Variants in MCF2L2 observed in about 807,000 individuals in gnomAD.
MCF2L2 encodes the protein MCF.2 cell line derived transforming sequence-like 2, also known as probable guanine nucleotide exchange factor MCF2L2.
In MCF2L2, 102 loss-of-function variants were observed where a neutral mutation model predicts 150.2. The ratio of observed to expected loss-of-function variants is 0.68; its 90% CI spans 0.58 to 0.80. The LOEUF (loss-of-function observed/expected upper bound fraction) is 0.80. MCF2L2 is among the 30% of genes least tolerant of loss of function. The pLI is 0.00. For synonymous variants in MCF2L2, 465 were observed against 491.3 expected (o/e 0.95, Z 0.71); for missense variants, 1,256 against 1,372.8 (o/e 0.91, Z 1.34).
intron 17 of MCF2L2, among the ~76,000 whole-genome samples, chr3:183,228,943 A>C (rs1723451076): frequency 6.6e-6 from 1 of 152,164 alleles, no homozygotes; most frequent in Admixed American, 6.6e-5. Flanking sequence ...CTGGGGCTCA[A>C]AGAGGCTACA....
chr3:183,272,161 C>G (rs1726832631), intron 15 of MCF2L2: 4 of 1,000,118 alleles, frequency 4.0e-6, no homozygotes, highest in Middle Eastern at 5.2e-4. Flanking sequence ...GCTGCATGTT[C>G]CTTGTAATCA....
chr3:183,412,708 TTTTTTA>T (rs1715378992), intron 1 of MCF2L2, among the ~76,000 whole-genome samples: 1 of 152,208 alleles, frequency 6.6e-6, no homozygotes, highest in Admixed American at 6.5e-5. Context: ...GCCTTTTATT[TTTTTTA>T]TTTTTATTTT....
chr3:183,408,607 G>A (rs1458121345), intron 1 of MCF2L2, among the ~76,000 whole-genome samples: 1 of 152,198 alleles, frequency 6.6e-6, no homozygotes, highest in Non-Finnish European at 1.5e-5. Flanking sequence ...GGGGATTAAA[G>A]AGGAGAAACA....
intron 3 of MCF2L2, among the ~76,000 whole-genome samples, chr3:183,365,131 C>T (rs1489066576): frequency 6.6e-6 from 1 of 152,042 alleles, no homozygotes; most frequent in Non-Finnish European, 1.5e-5. Context: ...AAAAACTTAA[C>T]AATAAAAGTA....
chr3:183,251,182 T>C (rs578098605), intron 15 of MCF2L2, among the ~76,000 whole-genome samples: 1 of 152,334 alleles, frequency 6.6e-6, no homozygotes, highest in South Asian at 2.1e-4. Flanking sequence ...AGGTTCCCTA[T>C]AGGGCCTGTG....
intron 3 of MCF2L2, among the ~76,000 whole-genome samples, chr3:183,360,072 G>C (rs1712034910): frequency 6.6e-6 from 1 of 152,218 alleles, no homozygotes; most frequent in Admixed American, 6.5e-5. Flanking sequence ...TGATGGTAAA[G>C]ACGATGCTGT....
At chr3:183,284,362 G>A (rs1229570513) in intron 14 of MCF2L2, among the ~76,000 whole-genome samples, 4 of 152,276 alleles carry the variant, frequency 2.6e-5, no homozygotes, top group Admixed American at 2.0e-4. Flanking sequence ...GTTACAAAGA[G>A]TGAGATCTTT....
At position 183,351,745 on chromosome 3, in the gene MCF2L2, T is replaced by A. The variant is rs112874690; in HGVS notation, c.276-10115A>T. On this transcript the variant is annotated intron_variant, in intron 3 of 29. Coordinates refer to ENST00000328913, the MANE Select transcript of MCF2L2 (RefSeq NM_015078.4). ...CTTGAATGGCAGTGCCCAGAGTTGTTCCTGGTATAGGAGATAAGATGATTA... is the reference window on the plus strand; with the variant it reads ...CTTGAATGGCAGTGCCCAGAGTTGTACCTGGTATAGGAGATAAGATGATTA... 2.2e-4 allele frequency among the ~76,000 whole-genome samples: 34 copies of A among 152,200 alleles called. 1 individual carries two copies. Among genetic ancestry groups the A allele is most frequent in the East Asian group, 1.9e-4 (1 of 5,194 alleles).
chr3:183,408,640 C>G (rs538040866), intron 1 of MCF2L2, among the ~76,000 whole-genome samples: 1 of 152,202 alleles, frequency 6.6e-6, no homozygotes, highest in African/African-American at 2.4e-5. Flanking sequence ...TCTTTCCCCA[C>G]AGCAATTTAA....
chr3:183,395,934 AAAAAGAAAGAAAGAAAG>A (rs1400608464), intron 1 of MCF2L2, among the ~76,000 whole-genome samples: 5 of 115,946 alleles, frequency 4.3e-5, no homozygotes, highest in East Asian at 2.3e-4. Flanking sequence ...AAAAAAAAAA[AAAAAGAAAGAAAGAAAG>A]AAAGAAAGAA....
At chr3:183,255,807 TAA>T (rs543086878) in intron 15 of MCF2L2, among the ~76,000 whole-genome samples, 37 of 134,288 alleles carry the variant, frequency 2.8e-4, no homozygotes, top group Admixed American at 4.5e-4. Context: ...GGTGAGATTG[TAA>T]AAAAAAAAAA....
intron 15 of MCF2L2, among the ~76,000 whole-genome samples, chr3:183,232,159 G>T (rs1026950216): frequency 1.3e-5 from 2 of 152,174 alleles, no homozygotes; most frequent in Non-Finnish European, 2.9e-5. Flanking sequence ...GAGATGGAGG[G>T]GGCCAGATGG....
At chr3:183,359,238 G>A (rs1370401167) in intron 3 of MCF2L2, among the ~76,000 whole-genome samples, 2 of 152,202 alleles carry the variant, frequency 1.3e-5, no homozygotes, top group African/African-American at 4.8e-5. Context: ...GTGCTGGGAT[G>A]TGCTAACACA....
At chr3:183,271,152 G>A in intron 15 of MCF2L2, 1 of 419,446 alleles carries the variant, frequency 2.4e-6, no homozygotes, top group Non-Finnish European at 4.2e-6. Flanking sequence ...ATTTAGAAAA[G>A]GTTTATATTA....
intron 15 of MCF2L2, among the ~76,000 whole-genome samples, chr3:183,256,500 G>A (rs1356036224): frequency 2.6e-5 from 4 of 152,108 alleles, no homozygotes; most frequent in Non-Finnish European, 5.9e-5. Flanking sequence ...TCAGTTGCTG[G>A]CTTTGATATG....
chr3:183,304,632 A>AT (rs202057975), intron 10 of MCF2L2, among the ~76,000 whole-genome samples: 12,060 of 144,306 alleles, frequency 0.084, 1,108 homozygotes, highest in African/African-American at 0.23. Context: ...TGCCTGGCTA[A>AT]TTTTTTTTTT....
intron 2 of MCF2L2, among the ~76,000 whole-genome samples, chr3:183,381,499 T>G (rs1053412211): frequency 6.6e-6 from 1 of 152,326 alleles, no homozygotes. Context: ...TCCAAGTAAA[T>G]TGTAAACTTG....
chr3:183,317,829 A>T (rs1164534707), intron 7 of MCF2L2, among the ~76,000 whole-genome samples: 6 of 152,050 alleles, frequency 3.9e-5, no homozygotes, highest in Non-Finnish European at 8.8e-5. Flanking sequence ...CTCACCACCC[A>T]GTCTCAAAAG....
chr3:183,360,707 C>T (rs1712081396), intron 3 of MCF2L2, among the ~76,000 whole-genome samples: 1 of 152,076 alleles, frequency 6.6e-6, no homozygotes. Context: ...TGGTGGGTCA[C>T]TCCTGTAATC....
Sources: allele counts gnomAD v4.1 joint callset (sites outside exome capture counted in the v4.1 genomes callset), GRCh38; gene constraint gnomAD v4.1.1; transcripts MANE v1.5; gene names NCBI Gene and HGNC (gene_info 2026-07-23, HGNC 2026-07-21).